Variants in PRKN observed in about 807,000 individuals in gnomAD.
The protein encoded by PRKN is parkin RBR E3 ubiquitin protein ligase.
Under a neutral mutation model 59.5 loss-of-function variants are expected in PRKN, and 56 were observed. The ratio of observed to expected loss-of-function variants is 0.94; its 90% CI spans 0.76 to 1.18. The LOEUF is 1.18. Ranked by LOEUF, PRKN falls within the 50% of genes most tolerant of loss-of-function variation. The pLI is 0.00. For synonymous variants in PRKN, 250 were observed against 222.1 expected, an observed-to-expected ratio of 1.13 and a Z score of -1.12; for missense variants, 657 against 596.4, an observed-to-expected ratio of 1.10 and a Z score of -1.06.
In PRKN at chr6:161,429,964, A is replaced by G. The variant is rs1788566148; in HGVS notation, c.1084-43087T>C. 6.6e-6 allele frequency among the ~76,000 whole-genome samples: 1 copy of G among 152,192 alleles called. No homozygotes were observed. The highest frequency in any genetic ancestry group is 6.5e-5 in the Admixed American group (1 of 15,276). ...CTGGGTCAGAGACAAAGGACCATGC[A>G]TTATTTACAGCAATATCTTTTTTCC... On this transcript the variant is annotated intron_variant, in intron 9 of 11. Transcript: ENST00000366898. The surrounding 1 kb of genome is among the most constrained non-coding windows in gnomAD (Gnocchi z 4.2).
intron 6 of PRKN, among the ~76,000 whole-genome samples, chr6:161,811,060 T>G (rs921371672): frequency 6.6e-6 from 1 of 152,162 alleles, no homozygotes; most frequent in African/African-American, 2.4e-5. Flanking sequence ...TTTTGAAATA[T>G]CATCAAAGTT....
chr6:162,473,072 T>C (rs1165848359), intron 1 of PRKN, among the ~76,000 whole-genome samples: 1 of 152,054 alleles, frequency 6.6e-6, no homozygotes, highest in African/African-American at 2.4e-5. Flanking sequence ...CCCTTCATAG[T>C]TGCTTAATTT....
intron 7 of PRKN, among the ~76,000 whole-genome samples, chr6:161,743,187 C>A (rs913938984): frequency 6.8e-6 from 1 of 147,424 alleles, no homozygotes; most frequent in Admixed American, 6.9e-5. Context: ...CCCAACCTCT[C>A]CTTGCCTGTC....
intron 2 of PRKN, among the ~76,000 whole-genome samples, chr6:162,335,340 C>G (rs1327760817): frequency 1.3e-5 from 2 of 152,114 alleles, no homozygotes; most frequent in African/African-American, 2.4e-5. Context: ...CTGCACCTGA[C>G]CTGTAGGTTG....
rs145828193 is a variant in PRKN at position 162,437,786 on chromosome 6, T to C, written c.171+5524A>G. ...CGGCTCCTTTTTTACTGCTGAGTAA[T>C]ATTCTAGGGTGTGGAGGTACCAGTT... On this transcript the variant is annotated intron_variant, in intron 2 of 11. Transcript: ENST00000366898. 1.7e-3 allele frequency among the ~76,000 whole-genome samples: 262 copies of C among 152,322 alleles called. 4 individuals are homozygous for C. In the South Asian group the frequency reaches 0.02, roughly 12 times the overall value.
chr6:161,780,409 A>G (rs1011683564), intron 7 of PRKN, among the ~76,000 whole-genome samples: 1 of 152,198 alleles, frequency 6.6e-6, no homozygotes, highest in South Asian at 2.1e-4. Context: ...TAGCCTGTAT[A>G]TTGGATGGTC....
chr6:162,443,539 G>A (rs2128167840), intron 1 of PRKN, 66 bp from the exon 2 acceptor site: 1 of 1,446,866 alleles, frequency 6.9e-7, no homozygotes, highest in East Asian at 2.3e-5. Flanking sequence ...AATGGTGATA[G>A]CAACATTTCT....
At chr6:161,521,262 C>T (rs1426659657) in intron 9 of PRKN, among the ~76,000 whole-genome samples, 1 of 152,164 alleles carries the variant, frequency 6.6e-6, no homozygotes, top group East Asian at 1.9e-4. Context: ...TACCCATTTG[C>T]CTACATATAT....
chr6:162,194,178 G>A (rs1784402006), intron 4 of PRKN, among the ~76,000 whole-genome samples: 1 of 151,986 alleles, frequency 6.6e-6, no homozygotes, highest in Non-Finnish European at 1.5e-5. Flanking sequence ...AGAAGAAAAC[G>A]TTCTTAAGAA....
At chr6:161,749,159 C>T (rs1788568214) in intron 7 of PRKN, among the ~76,000 whole-genome samples, 1 of 152,156 alleles carries the variant, frequency 6.6e-6, no homozygotes, top group South Asian at 2.1e-4. Context: ...CCCTCCGGGT[C>T]TACCCCAGTT....
intron 2 of PRKN, among the ~76,000 whole-genome samples, chr6:162,439,469 C>G (rs1789947803): frequency 6.6e-6 from 1 of 151,908 alleles, no homozygotes; most frequent in East Asian, 1.9e-4. Context: ...TCTGAGGTAA[C>G]GTAGCAAAAA....
Position 161,429,102 on chromosome 6 carries a change from T to C in PRKN, c.1084-42225A>G, listed in dbSNP as rs1312983163. Among the ~76,000 whole-genome samples, 1 of 152,222 alleles carries C rather than the reference T, an allele frequency of 6.6e-6. No homozygotes were observed. Among genetic ancestry groups the C allele is most frequent in the East Asian group, 1.9e-4 (1 of 5,202 alleles). ...CTGCAGATGGCACCTTTGCTAACCT[T>C]GATTGTGCCTTGAGATATTCACCTT... On this transcript the variant is annotated intron_variant, in intron 9 of 11. Coordinates refer to ENST00000366898, the MANE Select transcript of PRKN (RefSeq NM_004562.3). This position sits in a 1 kb window ranked among gnomAD's most constrained non-coding sequence, Gnocchi z 4.2.
At chr6:162,675,631 TAGAGAG>T in intron 1 of PRKN, among the ~76,000 whole-genome samples, 1 of 152,212 alleles carries the variant, frequency 6.6e-6, no homozygotes, top group East Asian at 1.9e-4. Context: ...CACTAAAAGA[TAGAGAG>T]AAACACTTTA....
At chr6:161,883,031 ACAAAAAAAAAC>A (rs1445572769) in intron 6 of PRKN, among the ~76,000 whole-genome samples, 2 of 101,568 alleles carry the variant, frequency 2.0e-5, no homozygotes, top group African/African-American at 1.1e-4. Flanking sequence ...AACAACAACA[ACAAAAAAAAAC>A]CAAAAAAACT....
At chr6:162,431,660 C>T (rs1026082340) in intron 2 of PRKN, among the ~76,000 whole-genome samples, 1 of 152,126 alleles carries the variant, frequency 6.6e-6, no homozygotes, top group East Asian at 1.9e-4. Context: ...TTTTATAGTT[C>T]TCTCATCAAT....
Position 161,545,230 on chromosome 6 carries a change from G to A in PRKN, c.1083+3624C>T. The A allele has an allele frequency of 7.5e-7, 1 of 1,337,776 alleles. No homozygotes were observed. The highest frequency in any genetic ancestry group is 9.6e-7 in the Non-Finnish European group (1 of 1,044,574). 82.9% of individuals were successfully genotyped at this position (1,337,776 alleles called of 1,614,324 possible). On this transcript the variant is annotated intron_variant, in intron 9 of 11. Transcript: ENST00000366898. This position sits in a 1 kb window ranked among gnomAD's most constrained non-coding sequence, Gnocchi z 4.1. ...GATAATTGAGGGAAAAAAAAATTAAGCACGGGTGAATTCACAGGCATCTTA... is the reference window on the plus strand; with the variant it reads ...GATAATTGAGGGAAAAAAAAATTAAACACGGGTGAATTCACAGGCATCTTA...
At chr6:162,201,322 AG>A (rs1483747200) in intron 3 of PRKN, 70 bp from the exon 4 acceptor site, 10 of 1,509,724 alleles carry the variant, frequency 6.6e-6, no homozygotes, top group Admixed American at 1.7e-5. Flanking sequence ...ACTCTTTAAA[AG>A]CTTGTTAGAG....
At chr6:162,658,588 G>C (rs1778747623) in intron 1 of PRKN, among the ~76,000 whole-genome samples, 1 of 150,400 alleles carries the variant, frequency 6.6e-6, no homozygotes, top group Admixed American at 6.6e-5. Context: ...TTGAACCCGG[G>C]AGGCGGAGGT....
At chr6:161,647,403 G>T (rs11969119) in intron 7 of PRKN, among the ~76,000 whole-genome samples, 5,850 of 152,246 alleles carry the variant, frequency 0.038, 402 homozygotes, top group African/African-American at 0.13. Flanking sequence ...CAGGGCTAAG[G>T]TCTCTGAGCA....
Sources: allele counts gnomAD v4.1 joint callset (sites outside exome capture counted in the v4.1 genomes callset), GRCh38; gene constraint gnomAD v4.1.1; non-coding constraint Gnocchi (gnomAD v3.1); transcripts MANE v1.5; gene names NCBI Gene and HGNC (gene_info 2026-07-23, HGNC 2026-07-21).